ZEB2: variants seen among roughly 807,000 people sequenced by gnomAD.
The protein encoded by ZEB2 is zinc finger E-box-binding homeobox 2.
A neutral mutation model predicts 99.9 loss-of-function variants in ZEB2; 6 were observed. The observed-to-expected ratio is 0.06, with a 90% CI of 0.03 to 0.12. The LOEUF is 0.12. Among genes scored for constraint, ZEB2 ranks in the 10% least tolerant of loss-of-function variants. The pLI, the probability that ZEB2 is intolerant of heterozygous loss-of-function variation, is 1.00. For missense variants in ZEB2, 969 were observed against 1,502.8 expected (o/e 0.64, Z 5.87); for synonymous variants, 517 against 542.5 (o/e 0.95, Z 0.65).
rs978494886 is a variant in ZEB2 at position 144,470,440 on chromosome 2, G to A, written c.74-40414C>T. 4 of 152,110 alleles carry A rather than the reference G, an allele frequency of 2.6e-5. No homozygotes were observed. The East Asian group carries it at 7.7e-4, about 29-fold the overall frequency. 9.4% of individuals were successfully genotyped at this position (152,110 alleles called of 1,614,324 possible). A position where few individuals can be genotyped will look rare whatever the true frequency, so the allele number is the denominator to read the frequency against. Reference sequence around the variant, plus strand: ...TCACCTTCTAAACAATATTTCAGTAGATTTCCTTTCACACAGTGATATTTG... The same window carrying A: ...TCACCTTCTAAACAATATTTCAGTAAATTTCCTTTCACACAGTGATATTTG... On this transcript the variant is annotated intron_variant, in intron 2 of 9. Transcript: ENST00000627532.
At chr2:144,405,068 T>C in intron 4 of ZEB2, 44 bp from the exon 5 acceptor site, 1 of 1,589,158 alleles carries the variant, frequency 6.3e-7, no homozygotes, top group South Asian at 1.1e-5. Context: ...CGGGCCTTCT[T>C]CCTAGGATCC....
rs374141392 is a variant in ZEB2, at chr2:144,389,652, G to A, written c.3444C>T (p.Tyr1148=). 83 of 1,613,726 alleles carry A rather than the reference G, an allele frequency of 5.1e-5. No individual in the cohort carries two copies. The highest frequency in any genetic ancestry group is 5.8e-5 in the Non-Finnish European group (69 of 1,179,984). Residue 1148 remains tyrosine, a synonymous_variant, in exon 10 of 10, where the codon TAC becomes TAT. Transcript: ENST00000627532. This position sits in a 1 kb window ranked among gnomAD's most constrained non-coding sequence, Gnocchi z 6.8. ...KEHEKEGEDG[Y]GKLGRQDGDE... ...CGCCATCCTGTCTGCCCAGCTTCCC[G>A]TAGCCATCCTCGCCTTCTTTCTCGT...
At chr2:144,515,614 G>A (rs1477673269) in intron 2 of ZEB2, among the ~76,000 whole-genome samples, 1 of 151,860 alleles carries the variant, frequency 6.6e-6, no homozygotes, top group East Asian at 1.9e-4. Flanking sequence ...TATTGTACTT[G>A]TTTTTCTGTA....
At chr2:144,480,866 C>T (rs1482980074) in intron 2 of ZEB2, among the ~76,000 whole-genome samples, 1 of 152,004 alleles carries the variant, frequency 6.6e-6, no homozygotes, top group Non-Finnish European at 1.5e-5. Flanking sequence ...TGCATGTAAG[C>T]ATCTGCTTTC....
chr2:144,480,033 GT>G (rs1704487849), intron 2 of ZEB2, among the ~76,000 whole-genome samples: 2 of 152,096 alleles, frequency 1.3e-5, no homozygotes, highest in African/African-American at 2.4e-5. Context: ...ATCATATCAT[GT>G]CAGTCCAGTC....
intron 2 of ZEB2, among the ~76,000 whole-genome samples, chr2:144,449,375 T>C (rs1704026756): frequency 6.6e-6 from 1 of 152,144 alleles, no homozygotes; most frequent in Non-Finnish European, 1.5e-5. Flanking sequence ...CTGAAACCCA[T>C]ACTAACTTTA....
At chr2:144,429,616 A>C in intron 3 of ZEB2, 153 bp downstream of exon 3, 4 of 1,208,900 alleles carry the variant, frequency 3.3e-6, no homozygotes, top group Non-Finnish European at 4.7e-6. Flanking sequence ...ATCACTTCAT[A>C]ATCTGTCACC....
chr2:144,414,388 A>G (rs1396704064), intron 4 of ZEB2, among the ~76,000 whole-genome samples: 1 of 152,190 alleles, frequency 6.6e-6, no homozygotes, highest in East Asian at 1.9e-4. Flanking sequence ...TGCAGAGCCA[A>G]CCAAGCAGCC....
At chr2:144,428,381 T>C (rs775749091) in intron 3 of ZEB2, 1 of 152,228 alleles carries the variant, frequency 6.6e-6, no homozygotes, top group African/African-American at 2.4e-5. Flanking sequence ...TAATGACTTC[T>C]GCAGCAGTCA....
intron 2 of ZEB2, among the ~76,000 whole-genome samples, chr2:144,442,906 G>C (rs918488534): frequency 5.9e-5 from 9 of 152,066 alleles, no homozygotes; most frequent in African/African-American, 1.9e-4. Context: ...GTTGCACTTA[G>C]AAATAATGGC....
intron 2 of ZEB2, among the ~76,000 whole-genome samples, chr2:144,447,015 CAAAAAAA>C (rs200426124): frequency 2.4e-3 from 176 of 74,510 alleles, no homozygotes; most frequent in Non-Finnish European, 4.2e-3. Flanking sequence ...GACACTGTTT[CAAAAAAA>C]AAAAAAAAAA....
chr2:144,419,495 G>T (rs936827135), intron 4 of ZEB2, among the ~76,000 whole-genome samples: 3 of 152,152 alleles, frequency 2.0e-5, no homozygotes, highest in African/African-American at 7.2e-5. Context: ...AAACATCAGG[G>T]CCCTATTTGG....
chr2:144,487,378 A>G (rs1704613409), intron 2 of ZEB2, among the ~76,000 whole-genome samples: 1 of 152,220 alleles, frequency 6.6e-6, no homozygotes, highest in Non-Finnish European at 1.5e-5. Flanking sequence ...AATGATATAT[A>G]CTTATGATTG....
At chr2:144,439,773 T>A (rs1393833400) in intron 2 of ZEB2, among the ~76,000 whole-genome samples, 4 of 152,238 alleles carry the variant, frequency 2.6e-5, no homozygotes, top group Non-Finnish European at 5.9e-5. Context: ...AAATGGCTTA[T>A]CTTTTTCTAT....
At chr2:144,407,126 G>A (rs977440735) in intron 4 of ZEB2, among the ~76,000 whole-genome samples, 11 of 152,184 alleles carry the variant, frequency 7.2e-5, no homozygotes, top group African/African-American at 2.7e-4. Context: ...CCAAATAAAA[G>A]GAAGTGGGAG....
At chr2:144,458,468 T>C (rs1455193662) in intron 2 of ZEB2, among the ~76,000 whole-genome samples, 1 of 152,090 alleles carries the variant, frequency 6.6e-6, no homozygotes, top group Non-Finnish European at 1.5e-5. Flanking sequence ...CTGGTATTGA[T>C]TGATTATCAC....
intron 2 of ZEB2, among the ~76,000 whole-genome samples, chr2:144,498,830 C>T (rs1704827897): frequency 6.6e-6 from 1 of 152,128 alleles, no homozygotes; most frequent in African/African-American, 2.4e-5. Context: ...CCCTTGAGCC[C>T]AGGAATCTCA....
intron 2 of ZEB2, chr2:144,495,356 C>T (rs1704743495): frequency 6.6e-6 from 1 of 152,216 alleles, no homozygotes; most frequent in Non-Finnish European, 1.5e-5. Context: ...CTTAAACACA[C>T]ACAGAGTCCT....
At chr2:144,510,834 C>T (rs1302397152) in intron 2 of ZEB2, among the ~76,000 whole-genome samples, 2 of 152,132 alleles carry the variant, frequency 1.3e-5, no homozygotes, top group African/African-American at 4.8e-5. Context: ...CTTTGTTCTC[C>T]CCTCAGGGGA....
Sources: gnomAD v4.1 joint callset for allele counts (sites outside exome capture counted in the v4.1 genomes callset) on GRCh38, gnomAD v4.1.1 for gene constraint, Gnocchi (gnomAD v3.1) non-coding constraint, MANE v1.5 for transcripts, NCBI Gene and HGNC (gene_info 2026-07-23, HGNC 2026-07-21) for gene names.